The following LMF1 variants were observed in gnomAD, a reference collection of about 807,000 sequenced individuals.
LMF1 encodes lipase maturation factor 1, also known as transmembrane protein 112.
A neutral mutation model predicts 60.6 loss-of-function variants in LMF1; 68 were observed. The ratio of observed to expected loss-of-function variants is 1.12; its 90% confidence interval spans 0.92 to 1.37. The LOEUF is 1.37. Among genes scored for constraint, LMF1 ranks in the 40% most tolerant of loss-of-function variants. The probability of loss-of-function intolerance (pLI) is 0.00; values close to 1 mark genes in which losing one functional copy is unlikely to be tolerated. For synonymous variants in LMF1, 418 were observed against 324.7 expected, an observed-to-expected ratio of 1.29 and a Z score of -3.09; for missense variants, 948 against 767.2, an observed-to-expected ratio of 1.24 and a Z score of -2.78.
intron 3 of LMF1, among the ~76,000 whole-genome samples, chr16:926,807 A>G (rs1359526001): frequency 6.6e-6 from 1 of 152,032 alleles, no homozygotes; most frequent in Admixed American, 6.6e-5. Flanking sequence ...CACAGCCAGG[A>G]TGTCAGCTGC....
chr16:920,449 A>G (rs1335099281), intron 3 of LMF1, among the ~76,000 whole-genome samples: 1 of 151,808 alleles, frequency 6.6e-6, no homozygotes, highest in African/African-American at 2.4e-5. Context: ...GCAAGAACTA[A>G]AATCTCCAGA....
At chr16:956,660 A>G (rs2072711953) in intron 1 of LMF1, among the ~76,000 whole-genome samples, 1 of 151,602 alleles carries the variant, frequency 6.6e-6, no homozygotes, top group East Asian at 1.9e-4. Context: ...CCTGGGCAAC[A>G]TGGAAAAACC....
At chr16:891,458 C>T (rs55931890) in intron 5 of LMF1, among the ~76,000 whole-genome samples, 52,528 of 152,100 alleles carry the variant, frequency 0.35, 9,529 homozygotes, top group Admixed American at 0.43. Flanking sequence ...CTGTGCGGGA[C>T]GGTCCTCACC....
At chr16:942,320 T>C (rs2072121042) in intron 2 of LMF1, among the ~76,000 whole-genome samples, 1 of 152,268 alleles carries the variant, frequency 6.6e-6, no homozygotes, top group Non-Finnish European at 1.5e-5. Context: ...TTCCAGGTGC[T>C]ATCTTTGTCT....
rs776584760 is a variant in LMF1 at position 871,215 on chromosome 16, G to A, written c.1024C>T (p.Arg342Ter). The A allele has an allele frequency of 4.3e-5, 70 of 1,611,396 alleles. No individual in the cohort carries two copies. Among genetic ancestry groups the A allele is most frequent in the East Asian group, 1.1e-4 (5 of 44,858 alleles). Reference sequence around the variant, plus strand: ...ATGTCCCTCTGCATCTGCAGAACTCGGTCCTTCAGGCTGCCTGGCCCAGAG... The same window carrying A: ...ATGTCCCTCTGCATCTGCAGAACTCAGTCCTTCAGGCTGCCTGGCCCAGAG... ...FPSGPGSLKDRVLQMQRDIRG... is the reference protein window; with the variant it reads ...FPSGPGSLKD The change falls in exon 7 of 11, where the codon CGA (arginine) becomes TGA (stop). Residue 342 changes from arginine to a stop codon, truncating the protein, a stop_gained. Coordinates refer to ENST00000262301, the MANE Select transcript of LMF1 (RefSeq NM_022773.4). LOFTEE classifies it high-confidence loss of function.
At chr16:876,949 G>C (rs985331019) in intron 6 of LMF1, among the ~76,000 whole-genome samples, 8 of 152,234 alleles carry the variant, frequency 5.3e-5, no homozygotes, top group African/African-American at 1.9e-4. Flanking sequence ...TGTCAGTTGA[G>C]ATATACGGGC....
chr16:891,410 A>T (rs2070484430), intron 5 of LMF1, among the ~76,000 whole-genome samples: 1 of 152,310 alleles, frequency 6.6e-6, no homozygotes, highest in Non-Finnish European at 1.5e-5. Flanking sequence ...GTTTGTGGGG[A>T]CATGGTGGGC....
At chr16:979,619 A>G (rs1374192410) in intron 1 of LMF1, 1 of 453,896 alleles carries the variant, frequency 2.2e-6, no homozygotes. Flanking sequence ...CAGGGACTTG[A>G]AGCTTCCTTG....
chr16:891,989 C>T (rs2070502737), intron 5 of LMF1, among the ~76,000 whole-genome samples: 1 of 152,206 alleles, frequency 6.6e-6, no homozygotes, highest in Non-Finnish European at 1.5e-5. Context: ...CAAGGCGGGG[C>T]ACTTGATGGG....
At chr16:918,614 C>T in intron 3 of LMF1, among the ~76,000 whole-genome samples, 1 of 152,196 alleles carries the variant, frequency 6.6e-6, no homozygotes, top group Non-Finnish European at 1.5e-5. Context: ...AAGTGCTGGC[C>T]ATCGTGGGCT....
intron 4 of LMF1, chr16:893,293 G>A (rs1045864275): frequency 9.3e-6 from 6 of 644,088 alleles, no homozygotes; most frequent in Admixed American, 8.5e-5. Flanking sequence ...AGTGCACACC[G>A]CGGGCGTGAG....
chr16:867,894 C>T (rs1567148612), intron 10 of LMF1, among the ~76,000 whole-genome samples: 2 of 152,170 alleles, frequency 1.3e-5, no homozygotes, highest in African/African-American at 2.4e-5. Context: ...TGGACCTCGG[C>T]GCCCCTCCCA....
chr16:864,569 G>A (rs746214734), intron 10 of LMF1, among the ~76,000 whole-genome samples: 3 of 152,118 alleles, frequency 2.0e-5, no homozygotes, highest in Non-Finnish European at 1.5e-5. Flanking sequence ...CGGATGTTTG[G>A]TAGGTGTATT....
intron 6 of LMF1, chr16:872,297 C>T (rs1040936822): frequency 1.3e-5 from 2 of 152,146 alleles, no homozygotes; most frequent in Non-Finnish European, 2.9e-5. Flanking sequence ...CCTTTATCCC[C>T]GTAACTCAGG....
intron 4 of LMF1, among the ~76,000 whole-genome samples, chr16:910,678 GA>G (rs1205105301): frequency 6.6e-6 from 1 of 152,154 alleles, no homozygotes; most frequent in African/African-American, 2.4e-5. Context: ...GTCTCCTCCT[GA>G]AACAGACTCA....
intron 2 of LMF1, among the ~76,000 whole-genome samples, chr16:948,021 G>T (rs1161594391): frequency 1.3e-5 from 2 of 151,876 alleles, no homozygotes; most frequent in Admixed American, 6.6e-5. Context: ...CAACGACAGA[G>T]TCAGAGACAA....
rs1008726814 is a variant in LMF1, at chr16:970,964, G to A, written c.17C>T (p.Pro6Leu). MRPDSPTMAAPAESLR... is the reference protein window; with the variant it reads MRPDSLTMAAPAESLR... ...CGACTCCGCGGGCGCCGCCATTGTT[G>A]GGCTGTCAGGGCGCATGTGCGGGGA... The change falls in exon 1 of 11, where the codon CCA becomes CTA. Residue 6 changes from proline (P) to leucine (L), a missense_variant. Physicochemically the swap from Pro to Leu is moderately conservative, Grantham distance 98. Transcript: ENST00000262301. The A allele has an allele frequency of 6.6e-7, 1 of 1,526,420 alleles. No homozygotes were observed. Among genetic ancestry groups the A allele is most frequent in the Non-Finnish European group, 8.8e-7 (1 of 1,132,266 alleles). 94.6% of individuals were successfully genotyped at this position (1,526,420 alleles called of 1,614,324 possible). A position where few individuals can be genotyped will look rare whatever the true frequency, so the allele number is the denominator to read the frequency against.
rs145586418 is a variant in LMF1 at position 946,284 on chromosome 16, C to T, written c.503+8073G>A. 4.9e-3 allele frequency among the ~76,000 whole-genome samples: 743 copies of T among 152,340 alleles called. 12 individuals are homozygous for T. Among genetic ancestry groups the T allele is most frequent in the African/African-American group, 0.017 (687 of 41,580 alleles). ...AGGGGAGGGGACAGCTGGCTGGCAG[C>T]GGATGTAGCCACTTGTGTGCTTTCC... is the stretch of plus-strand genomic sequence containing the variant. On this transcript the variant is annotated intron_variant, in intron 2 of 10. Coordinates refer to ENST00000262301, the MANE Select transcript of LMF1 (RefSeq NM_022773.4).
At chr16:906,873 A>C (rs2070985170) in intron 4 of LMF1, among the ~76,000 whole-genome samples, 2 of 152,138 alleles carry the variant, frequency 1.3e-5, no homozygotes, top group Non-Finnish European at 2.9e-5. Flanking sequence ...GATGTCATGG[A>C]ATCTATAGCT....
Sources: allele counts gnomAD v4.1 joint callset (sites outside exome capture counted in the v4.1 genomes callset), GRCh38; gene constraint gnomAD v4.1.1; transcripts MANE v1.5; gene names NCBI Gene and HGNC (gene_info 2026-07-23, HGNC 2026-07-21).